The following PCDHGA7 variants were observed in gnomAD, a reference collection of about 807,000 sequenced individuals.
PCDHGA7 encodes the protein protocadherin gamma subfamily A, 7, also known as protocadherin gamma-A7.
Under a neutral mutation model 58.3 loss-of-function variants are expected in PCDHGA7, and 44 were observed. The observed-to-expected ratio is 0.75, with a 90% CI of 0.59 to 0.97. The LOEUF (loss-of-function observed/expected upper bound fraction) is 0.97, where lower values mean the gene tolerates loss of function less well. Among genes scored for constraint, PCDHGA7 ranks in the 50% least tolerant of loss-of-function variants. The pLI, the probability that PCDHGA7 is intolerant of heterozygous loss-of-function variation, is 0.00. For synonymous variants in PCDHGA7, 516 were observed against 504.2 expected (o/e 1.02, Z -0.31); for missense variants, 1,266 against 1,188.7 (o/e 1.06, Z -0.96).
At chr5:141,427,566 C>A (rs1218268757) in intron 1 of PCDHGA7, 1 of 659,032 alleles carries the variant, frequency 1.5e-6, no homozygotes, top group Non-Finnish European at 2.8e-6. Context: ...CAAGGGCAAG[C>A]CTCCGCTCTC....
chr5:141,397,985 C>A (rs1034752721), intron 1 of PCDHGA7: 3 of 1,315,640 alleles, frequency 2.3e-6, no homozygotes, highest in Non-Finnish European at 2.1e-6. Context: ...GGCCTTTACA[C>A]CGCTTCCTCC....
chr5:141,415,041 G>T, intron 1 of PCDHGA7: 1 of 1,613,530 alleles, frequency 6.2e-7, no homozygotes, highest in Non-Finnish European at 8.5e-7. Flanking sequence ...GACTCTTCGC[G>T]GTGGGGGAGC....
intron 1 of PCDHGA7, chr5:141,388,504 C>T: frequency 1.2e-6 from 2 of 1,613,808 alleles, no homozygotes; most frequent in Non-Finnish European, 1.7e-6. Context: ...AAGCAGAAAT[C>T]CTACCACTTG....
chr5:141,398,866 T>C, intron 1 of PCDHGA7: 1 of 1,613,962 alleles, frequency 6.2e-7, no homozygotes, highest in Non-Finnish European at 8.5e-7. Flanking sequence ...CCGAGACGTG[T>C]ACAGAGTCAG....
chr5:141,491,332 C>T lies in PCDHGA7; in HGVS notation c.2425-3475C>T, dbSNP rs1013118722. 2 of 1,614,072 alleles carry T rather than the reference C, an allele frequency of 1.2e-6. No individual in the cohort carries two copies. The highest frequency in any genetic ancestry group is 2.7e-5 in the African/African-American group (2 of 74,944). On this transcript the variant is annotated intron_variant, in intron 1 of 3. Coordinates refer to ENST00000518325, the MANE Select transcript of PCDHGA7 (RefSeq NM_018920.4). This position sits in a 1 kb window ranked among gnomAD's most constrained non-coding sequence, Gnocchi z 6.9. ...CCTTACCCTTTACCTCATTGTGGCT[C>T]TAGCGACCGTCAGTCTCTTATCCCT...
chr5:141,486,263 G>GAACCTGGC lies in PCDHGA7; in HGVS notation c.2425-8542_2425-8535dup. 6.2e-7 allele frequency: 1 copy of GAACCTGGC among 1,614,090 alleles called. No homozygotes were observed. Among genetic ancestry groups the GAACCTGGC allele is most frequent in the South Asian group, 1.1e-5 (1 of 91,064 alleles). On this transcript the variant is annotated intron_variant, in intron 1 of 3. Coordinates refer to ENST00000518325, the MANE Select transcript of PCDHGA7 (RefSeq NM_018920.4). This position sits in a 1 kb window ranked among gnomAD's most constrained non-coding sequence, Gnocchi z 5.0. ...GCTTGGAACCCTCCCCGAGAGTGCAGAACCTGGCACTGTGGTGGCACTTAT... is the reference window on the plus strand; with the variant it reads ...GCTTGGAACCCTCCCCGAGAGTGCAGAACCTGGCAACCTGGCACTGTGGTGGCACTTAT...
chr5:141,441,672 GCCTTCGA>G (rs1327551430), intron 1 of PCDHGA7: 1 of 290,468 alleles, frequency 3.4e-6, no homozygotes, highest in Non-Finnish European at 6.8e-6. Flanking sequence ...CGCACAGTGC[GCCTTCGA>G]CCAAGAGCAG....
At chr5:141,399,739 C>T (rs774893843) in intron 1 of PCDHGA7, 2 of 1,613,218 alleles carry the variant, frequency 1.2e-6, no homozygotes, top group Non-Finnish European at 1.7e-6. Flanking sequence ...CTCGCCTGCG[C>T]TCAGCGCAAA....
intron 1 of PCDHGA7, among the ~76,000 whole-genome samples, chr5:141,443,905 A>G (rs963772369): frequency 6.6e-6 from 1 of 152,204 alleles, no homozygotes; most frequent in Admixed American, 6.5e-5. Context: ...TAGTAGGAAA[A>G]TTCATAAAAG....
intron 1 of PCDHGA7, chr5:141,475,927 G>A: frequency 1.6e-6 from 1 of 628,480 alleles, no homozygotes; most frequent in South Asian, 2.1e-5. Flanking sequence ...CTGGAGATCG[G>A]GCCCCTGCCC....
rs6883529 is a variant in PCDHGA7, at chr5:141,427,618, A to G, written c.2424+42295A>G. On this transcript the variant is annotated intron_variant, in intron 1 of 3. Coordinates refer to ENST00000518325, the MANE Select transcript of PCDHGA7 (RefSeq NM_018920.4). ...ACCCTACGCATTGGTGAAGTCAACG[A>G]CAATGCTCCGGTTTTCCACCAAGTC... The G allele has an allele frequency of 3.3e-3, 2,299 of 695,914 alleles. 37 individuals are homozygous for G. In the African/African-American group the frequency reaches 0.033, roughly 10 times the overall value. 43.1% of individuals were successfully genotyped at this position (695,914 alleles called of 1,614,324 possible).
At position 141,432,554 on chromosome 5, in the gene PCDHGA7, G is replaced by A. The variant is rs757821109; in HGVS notation, c.2424+47231G>A. The A allele has an allele frequency of 9.3e-6, 15 of 1,613,832 alleles. No homozygotes were observed. Among genetic ancestry groups the A allele is most frequent in the Non-Finnish European group, 1.3e-5 (15 of 1,180,006 alleles). On this transcript the variant is annotated intron_variant, in intron 1 of 3. Coordinates refer to ENST00000518325, the MANE Select transcript of PCDHGA7 (RefSeq NM_018920.4). The surrounding 1 kb of genome is among the most constrained non-coding windows in gnomAD (Gnocchi z 6.0). ...GGTGGTGGCGGTGGACAGAGACTCCGGCCAGAACGCCTGGCTGTCCTACCG... is the reference window on the plus strand; with the variant it reads ...GGTGGTGGCGGTGGACAGAGACTCCAGCCAGAACGCCTGGCTGTCCTACCG...
intron 1 of PCDHGA7, chr5:141,388,978 CT>C (rs1389375857): frequency 6.2e-7 from 1 of 1,613,972 alleles, no homozygotes; most frequent in East Asian, 2.2e-5. Flanking sequence ...ACACATATTG[CT>C]TTGCTCAAAG....
intron 2 of PCDHGA7, among the ~76,000 whole-genome samples, chr5:141,498,889 C>T (rs1415870992): frequency 3.4e-5 from 5 of 146,174 alleles, no homozygotes; most frequent in African/African-American, 1.3e-4. Flanking sequence ...GCTGAGATCA[C>T]ACCACTGCAC....
chr5:141,430,809 G>A (rs949727881), intron 1 of PCDHGA7: 5 of 1,527,014 alleles, frequency 3.3e-6, no homozygotes, highest in Non-Finnish European at 4.4e-6. Context: ...GTCCTGCTGG[G>A]AATCCTCCTG....
chr5:141,403,741 T>G, intron 1 of PCDHGA7: 1 of 1,613,906 alleles, frequency 6.2e-7, no homozygotes. Context: ...GGCTGCTTAC[T>G]GCAACAGCCA....
chr5:141,485,444 G>A lies in PCDHGA7; in HGVS notation c.2425-9363G>A. 1 of 1,614,110 alleles carries A rather than the reference G, an allele frequency of 6.2e-7. No individual in the cohort carries two copies. Among genetic ancestry groups the A allele is most frequent in the Non-Finnish European group, 8.5e-7 (1 of 1,180,020 alleles). On this transcript the variant is annotated intron_variant, in intron 1 of 3. Coordinates refer to ENST00000518325, the MANE Select transcript of PCDHGA7 (RefSeq NM_018920.4). This position sits in a 1 kb window ranked among gnomAD's most constrained non-coding sequence, Gnocchi z 5.7. ...AGCCCTGCTCATCAAGAACCCAATC[G>A]ACCGAGAGGCACTGTGTGGGCTCAG...
chr5:141,400,129 C>T (rs530393607), intron 1 of PCDHGA7: 1 of 1,614,104 alleles, frequency 6.2e-7, no homozygotes, highest in Admixed American at 1.7e-5. Flanking sequence ...GCAGGAGGTG[C>T]TGCCGGATAT....
chr5:141,511,450 C>A lies in PCDHGA7; in HGVS notation c.*277C>A. Reference sequence around the variant, plus strand: ...TGGGGTTACTGTAGACACCAAGAACCATTTGCCACACCCCGTTTAGTTACA... The same window carrying A: ...TGGGGTTACTGTAGACACCAAGAACAATTTGCCACACCCCGTTTAGTTACA... On this transcript the variant is annotated 3_prime_UTR_variant, in exon 4 of 4. Transcript: ENST00000518325. The A allele has an allele frequency of 3.3e-6, 2 of 615,088 alleles. No homozygotes were observed. The highest frequency in any genetic ancestry group is 6.8e-5 in the East Asian group (2 of 29,272). The allele number at this position is 615,088 out of a possible 1,614,324, so 38.1% of individuals were successfully genotyped here.
Sources: gnomAD v4.1 joint callset for allele counts (sites outside exome capture counted in the v4.1 genomes callset) on GRCh38, gnomAD v4.1.1 for gene constraint, Gnocchi (gnomAD v3.1) non-coding constraint, MANE v1.5 for transcripts, NCBI Gene and HGNC (gene_info 2026-07-23, HGNC 2026-07-21) for gene names.